The following ZGRF1 variants were observed in gnomAD, a reference collection of about 807,000 sequenced individuals.
ZGRF1 encodes the protein 5'-3' DNA helicase ZGRF1.
In ZGRF1, 196 loss-of-function variants were observed where a neutral mutation model predicts 203.5. That is an observed-to-expected ratio of 0.96 (90% confidence interval 0.86 to 1.08). The LOEUF (loss-of-function observed/expected upper bound fraction) is 1.08. Among genes scored for constraint, ZGRF1 ranks in the 50% least tolerant of loss-of-function variants. ZGRF1 has a pLI of 0.00. For synonymous variants in ZGRF1, 809 were observed against 841.3 expected (o/e 0.96, Z 0.66); for missense variants, 2,326 against 2,416.3 (o/e 0.96, Z 0.78).
At chr4:112,621,812 C>T (rs763088115) in intron 4 of ZGRF1, among the ~76,000 whole-genome samples, 5 of 151,436 alleles carry the variant, frequency 3.3e-5, no homozygotes, top group Non-Finnish European at 4.4e-5. Context: ...ACCGAACCTC[C>T]GCCTCCCAGG....
At chr4:112,542,984 T>C (rs1022864374) in intron 24 of ZGRF1, among the ~76,000 whole-genome samples, 2 of 152,024 alleles carry the variant, frequency 1.3e-5, no homozygotes, top group African/African-American at 4.8e-5. Flanking sequence ...GCATGAGCCA[T>C]CACACCCAGC....
chr4:112,572,276 A>C (rs1326403933), intron 16 of ZGRF1, among the ~76,000 whole-genome samples: 22 of 152,182 alleles, frequency 1.4e-4, no homozygotes, highest in Admixed American at 1.4e-3. Context: ...ATCTTTGACA[A>C]AACAAACAAA....
Position 112,578,925 on chromosome 4 carries a change from G to A in ZGRF1, c.4438+2738C>T, listed in dbSNP as rs1223593382. On this transcript the variant is annotated intron_variant, in intron 16 of 27. Coordinates refer to ENST00000505019, the MANE Select transcript of ZGRF1 (RefSeq NM_018392.5). ...AATCCTCCCTAATTCATTTTCTGAG[G>A]CCAGAATCACCCTGATACCAAAGCC... Among the ~76,000 whole-genome samples the A allele has an allele frequency of 5.2e-4, 64 of 122,546 alleles. 13 individuals are homozygous for A. Among genetic ancestry groups the A allele is most frequent in the African/African-American group, 1.6e-3 (56 of 35,348 alleles). 80.4% of individuals were successfully genotyped at this position (122,546 alleles called of 152,430 possible). A position where few individuals can be genotyped will look rare whatever the true frequency, so the allele number is the denominator to read the frequency against.
chr4:112,564,915 ACGCCAG>A (rs1742728610), intron 16 of ZGRF1: 1 of 697,138 alleles, frequency 1.4e-6, no homozygotes, highest in East Asian at 2.6e-5. Context: ...TCGCTCTCCA[ACGCCAG>A]CGCCGCCTGT....
chr4:112,636,297 A>C (rs1019477120), intron 1 of ZGRF1, among the ~76,000 whole-genome samples: 1 of 152,180 alleles, frequency 6.6e-6, no homozygotes, highest in African/African-American at 2.4e-5. Context: ...ATACATATAC[A>C]TTGTGCTACT....
At chr4:112,541,905 C>T (rs545513085) in intron 24 of ZGRF1, among the ~76,000 whole-genome samples, 2 of 152,216 alleles carry the variant, frequency 1.3e-5, no homozygotes, top group South Asian at 2.1e-4. Context: ...TAGGAGGTGT[C>T]GTAAATATCT....
At chr4:112,612,838 T>C (rs539648885) in intron 6 of ZGRF1, among the ~76,000 whole-genome samples, 4 of 152,278 alleles carry the variant, frequency 2.6e-5, no homozygotes, top group South Asian at 2.1e-4. Context: ...TCTAAGTCAA[T>C]AGTAGGAATG....
chr4:112,568,753 C>A (rs1024636668), intron 16 of ZGRF1, among the ~76,000 whole-genome samples: 22 of 149,278 alleles, frequency 1.5e-4, no homozygotes, highest in Middle Eastern at 7.2e-3. Context: ...TGGTGGCTCA[C>A]GCCTGTAATC....
chr4:112,631,470 G>T (rs961381524), intron 3 of ZGRF1, among the ~76,000 whole-genome samples: 3 of 152,130 alleles, frequency 2.0e-5, no homozygotes, highest in African/African-American at 7.2e-5. Context: ...AGGAGTTCGA[G>T]ACAAGCCTGG....
intron 6 of ZGRF1, among the ~76,000 whole-genome samples, chr4:112,614,357 T>C (rs1003098205): frequency 6.6e-6 from 1 of 152,256 alleles, no homozygotes; most frequent in Non-Finnish European, 1.5e-5. Context: ...TATACTTTCA[T>C]GGTCATTTGC....
chr4:112,539,692 TA>T lies in ZGRF1; in HGVS notation c.6173-4del. 2 of 1,589,198 alleles carry T rather than the reference TA, an allele frequency of 1.3e-6. No individual in the cohort carries two copies. The highest frequency in any genetic ancestry group is 1.7e-6 in the Non-Finnish European group (2 of 1,170,456). On this transcript the variant is annotated splice_region_variant and splice_polypyrimidine_tract_variant and intron_variant, in intron 27 of 27. Transcript: ENST00000505019. ...ATGTTGCAATCCATCTTCCCTTCCT[TA>T]AAAAAACATACGACATGAGACAACT...
chr4:112,587,213 T>C, intron 12 of ZGRF1, 67 bp downstream of exon 12: 1 of 1,459,818 alleles, frequency 6.9e-7, no homozygotes, highest in Non-Finnish European at 9.2e-7. Flanking sequence ...ATTTTGGTAA[T>C]TCTTTTGTTG....
intron 5 of ZGRF1, 79 bp from the exon 6 acceptor site, chr4:112,619,769 G>A (rs1359179393): frequency 1.7e-6 from 2 of 1,168,014 alleles, no homozygotes; most frequent in Admixed American, 2.6e-5. Context: ...GAAAAAAAAA[G>A]GAGAAGGATT....
intron 16 of ZGRF1, among the ~76,000 whole-genome samples, chr4:112,567,212 T>G (rs1329039193): frequency 6.6e-6 from 1 of 152,124 alleles, no homozygotes; most frequent in Non-Finnish European, 1.5e-5. Context: ...ATTTACACCC[T>G]CAACTCCCTG....
chr4:112,567,225 C>T (rs1743276800), intron 16 of ZGRF1, among the ~76,000 whole-genome samples: 1 of 152,140 alleles, frequency 6.6e-6, no homozygotes, highest in Non-Finnish European at 1.5e-5. Context: ...ACTCCCTGAG[C>T]TCCTTGGAGC....
At chr4:112,597,265 C>T (rs1439250990) in intron 10 of ZGRF1, among the ~76,000 whole-genome samples, 1 of 149,976 alleles carries the variant, frequency 6.7e-6, no homozygotes, top group African/African-American at 2.5e-5. Flanking sequence ...TGTGCTCACA[C>T]CTATAATCCC....
At chr4:112,546,114 CA>C (rs1738717121) in intron 24 of ZGRF1, among the ~76,000 whole-genome samples, 1 of 106,722 alleles carries the variant, frequency 9.4e-6, no homozygotes, top group Non-Finnish European at 2.1e-5. Context: ...ATACATGCTG[CA>C]ACATGAATGA....
chr4:112,609,420 C>T lies in ZGRF1; in HGVS notation c.2677G>A (p.Glu893Lys). 1 of 1,530,192 alleles carries T rather than the reference C, an allele frequency of 6.5e-7. No individual in the cohort carries two copies. The highest frequency in any genetic ancestry group is 9.0e-7 in the Non-Finnish European group (1 of 1,113,902). The allele number at this position is 1,530,192 out of a possible 1,614,324, so 94.8% of individuals were successfully genotyped here. A position where few individuals can be genotyped will look rare whatever the true frequency, so the allele number is the denominator to read the frequency against. ...LHKDSQQILK[E>K]DEVELSEPLQ... ...GGTTCACTTAGTTCAACTTCATCTTCTTTTAGTATCTTAGGAATAGAATAT... is the reference window on the plus strand; with the variant it reads ...GGTTCACTTAGTTCAACTTCATCTTTTTTTAGTATCTTAGGAATAGAATAT... Residue 893 changes from glutamate to lysine, a missense_variant, in exon 8 of 28, where the codon GAA becomes AAA. Transcript: ENST00000505019.
intron 10 of ZGRF1, among the ~76,000 whole-genome samples, chr4:112,592,207 C>T (rs144265964): frequency 3.8e-4 from 57 of 151,138 alleles, no homozygotes; most frequent in African/African-American, 1.0e-3. Flanking sequence ...AAGCAATTCT[C>T]GTGCCTCAGG....
Sources: gnomAD v4.1 joint callset for allele counts (sites outside exome capture counted in the v4.1 genomes callset) on GRCh38, gnomAD v4.1.1 for gene constraint, MANE v1.5 for transcripts, NCBI Gene and HGNC (gene_info 2026-07-23, HGNC 2026-07-21) for gene names.